The following PXDNL variants were observed in gnomAD, a reference collection of about 807,000 sequenced individuals.
PXDNL encodes the protein peroxidasin like, also known as probable oxidoreductase PXDNL.
PXDNL carries 145 observed loss-of-function variants against 150.8 expected under a neutral mutation model. The observed-to-expected ratio is 0.96, with a 90% confidence interval of 0.84 to 1.10. PXDNL has a LOEUF of 1.10. Ranked by LOEUF, PXDNL falls within the 50% of genes least tolerant of loss-of-function variation. The pLI is 0.00. For missense variants in PXDNL, 2,087 were observed against 1,873.9 expected (o/e 1.11, Z -2.10); for synonymous variants, 757 against 725.7 (o/e 1.04, Z -0.69).
At chr8:51,746,622 C>T (rs1423620130) in intron 1 of PXDNL, among the ~76,000 whole-genome samples, 1 of 152,130 alleles carries the variant, frequency 6.6e-6, no homozygotes, top group Non-Finnish European at 1.5e-5. Flanking sequence ...TATCTCGGGG[C>T]TGTGGTATTA....
chr8:51,358,279 G>A (rs1418887892), intron 19 of PXDNL, among the ~76,000 whole-genome samples: 1 of 152,188 alleles, frequency 6.6e-6, no homozygotes, highest in Non-Finnish European at 1.5e-5. Context: ...ACAGGAGGGG[G>A]CTAGCTGAAA....
At chr8:51,808,188 C>T (rs564570033) in intron 1 of PXDNL, among the ~76,000 whole-genome samples, 1 of 152,136 alleles carries the variant, frequency 6.6e-6, no homozygotes, top group African/African-American at 2.4e-5. Context: ...CTCAAAATTC[C>T]AGGAATTTTA....
chr8:51,454,583 C>G (rs983521113), intron 9 of PXDNL, among the ~76,000 whole-genome samples: 1 of 152,094 alleles, frequency 6.6e-6, no homozygotes, highest in Non-Finnish European at 1.5e-5. Flanking sequence ...CTGGGAATCT[C>G]AAGCAAAAAT....
chr8:51,437,687 C>A (rs1809440272), intron 12 of PXDNL, among the ~76,000 whole-genome samples: 1 of 152,140 alleles, frequency 6.6e-6, no homozygotes, highest in African/African-American at 2.4e-5. Context: ...AGGGAAATAT[C>A]CTAAGGTAAT....
Position 51,531,342 on chromosome 8 carries a change from C to A in PXDNL, c.380+25498G>T, listed in dbSNP as rs990249266. 2.0e-5 allele frequency among the ~76,000 whole-genome samples: 3 copies of A among 152,204 alleles called. No individual in the cohort carries two copies. The East Asian group carries it at 5.8e-4, about 29-fold the overall frequency. On this transcript the variant is annotated intron_variant, in intron 4 of 22. Transcript: ENST00000356297. The stretch of plus-strand genomic sequence containing the variant: ...TCTCTAACGAGTCTTTGCTTGCTTG[C>A]TTGGCTCTTATTAAACCTGTTCTAT...
intron 5 of PXDNL, among the ~76,000 whole-genome samples, chr8:51,493,104 C>A (rs1337036157): frequency 6.6e-6 from 1 of 152,164 alleles, no homozygotes; most frequent in East Asian, 1.9e-4. Context: ...AACGATCAGG[C>A]AGCAACATTT....
intron 2 of PXDNL, among the ~76,000 whole-genome samples, chr8:51,608,015 A>AAG (rs201252691): frequency 0.092 from 5,820 of 63,146 alleles, 316 homozygotes; most frequent in African/African-American, 0.21. Flanking sequence ...GAAAGAAAGA[A>AAG]AGAAAGAAAG....
chr8:51,565,460 G>T (rs1176407140), intron 3 of PXDNL, among the ~76,000 whole-genome samples: 2 of 151,708 alleles, frequency 1.3e-5, no homozygotes, highest in Non-Finnish European at 2.9e-5. Flanking sequence ...GCAGGTATCT[G>T]GTGATGCCAC....
chr8:51,539,721 T>A (rs1812169360), intron 4 of PXDNL, among the ~76,000 whole-genome samples: 1 of 152,228 alleles, frequency 6.6e-6, no homozygotes, highest in South Asian at 2.1e-4. Context: ...TTCATTTCAT[T>A]AAGTTGTCAA....
At chr8:51,560,756 G>A (rs1812700542) in intron 3 of PXDNL, among the ~76,000 whole-genome samples, 1 of 151,848 alleles carries the variant, frequency 6.6e-6, no homozygotes, top group South Asian at 2.1e-4. Flanking sequence ...AAAAGCAAAG[G>A]CAACAAAAGT....
In PXDNL at chr8:51,453,548, A is replaced by G. The variant is rs548944739; in HGVS notation, c.1220T>C (p.Val407Ala). ...TACAATTATGTTTGCTGCAGCTTGA[A>G]CAGTGCCGTGGCTATTGTTGGCATG... ...TCHANNSHGT[V>A]QAAANIIVQA... Residue 407 changes from valine (V) to alanine (A), a missense_variant, in exon 10 of 23, where the codon GTT becomes GCT. Coordinates refer to ENST00000356297, the MANE Select transcript of PXDNL (RefSeq NM_144651.5). 3 of 1,614,028 alleles carry G rather than the reference A, an allele frequency of 1.9e-6. No homozygotes were observed. The highest frequency in any genetic ancestry group is 1.3e-5 in the African/African-American group (1 of 75,052).
chr8:51,624,429 C>G (rs1814323852), intron 2 of PXDNL, among the ~76,000 whole-genome samples: 1 of 152,026 alleles, frequency 6.6e-6, no homozygotes, highest in African/African-American at 2.4e-5. Context: ...TGAATGTAGC[C>G]TTTTCACATT....
rs1183878984 is a variant in PXDNL at position 51,790,762 on chromosome 8, G to A, written c.164+18419C>T. 2.8e-4 allele frequency among the ~76,000 whole-genome samples: 9 copies of A among 32,600 alleles called. No individual in the cohort carries two copies. The South Asian group carries it at 0.022, about 80-fold the overall frequency. The allele number at this position is 32,600 out of a possible 152,430, so 21.4% of individuals were successfully genotyped here. A position where few individuals can be genotyped will look rare whatever the true frequency, so the allele number is the denominator to read the frequency against. On this transcript the variant is annotated intron_variant, in intron 1 of 22. Transcript: ENST00000356297. Reference sequence around the variant, plus strand: ...CAGCAGCCCTTGCTCCTGCTACAGCGTTGAGGAGGGCTGCCACTCTTTTAT... The same window carrying A: ...CAGCAGCCCTTGCTCCTGCTACAGCATTGAGGAGGGCTGCCACTCTTTTAT...
At chr8:51,725,984 G>A (rs1816811765) in intron 1 of PXDNL, among the ~76,000 whole-genome samples, 1 of 152,212 alleles carries the variant, frequency 6.6e-6, no homozygotes, top group African/African-American at 2.4e-5. Flanking sequence ...ATGTAGCCTT[G>A]ATAAAATCAC....
intron 3 of PXDNL, among the ~76,000 whole-genome samples, chr8:51,588,401 GC>G (rs1217629872): frequency 2.0e-5 from 3 of 152,076 alleles, no homozygotes; most frequent in Non-Finnish European, 4.4e-5. Context: ...TGTTATCCTT[GC>G]CTTTTAAATA....
chr8:51,429,239 A>C (rs1809190113), intron 12 of PXDNL, among the ~76,000 whole-genome samples: 1 of 152,188 alleles, frequency 6.6e-6, no homozygotes, highest in Non-Finnish European at 1.5e-5. Context: ...GTGGGAATGT[A>C]AGATGGTACA....
intron 1 of PXDNL, among the ~76,000 whole-genome samples, chr8:51,684,563 G>A (rs1002434042): frequency 6.6e-6 from 1 of 152,186 alleles, no homozygotes; most frequent in South Asian, 2.1e-4. Context: ...TGATTATACT[G>A]TTACATGCAA....
chr8:51,643,348 T>G (rs918168801), intron 2 of PXDNL, among the ~76,000 whole-genome samples: 1 of 152,036 alleles, frequency 6.6e-6, no homozygotes, highest in Non-Finnish European at 1.5e-5. Context: ...AACAGAGATA[T>G]AGACCAATGG....
chr8:51,700,168 TACAC>T (rs58406482), intron 1 of PXDNL, among the ~76,000 whole-genome samples: 96,268 of 139,730 alleles, frequency 0.69, 34,529 homozygotes, highest in Non-Finnish European at 0.8. Context: ...TATGCCTGCA[TACAC>T]ACACACACAC....
Sources: allele counts gnomAD v4.1 joint callset (sites outside exome capture counted in the v4.1 genomes callset), GRCh38; gene constraint gnomAD v4.1.1; transcripts MANE v1.5; gene names NCBI Gene and HGNC (gene_info 2026-07-23, HGNC 2026-07-21).